Variants in SPOCK3 observed in about 807,000 individuals in gnomAD.
The protein encoded by SPOCK3 is SPARC (osteonectin), cwcv and kazal like domains proteoglycan 3, also known as testican-3.
A neutral mutation model predicts 56.6 loss-of-function variants in SPOCK3; 30 were observed. The ratio of observed to expected loss-of-function variants is 0.53; its 90% CI spans 0.40 to 0.72. The LOEUF (loss-of-function observed/expected upper bound fraction) is 0.72, where lower values mean the gene tolerates loss of function less well. Among genes scored for constraint, SPOCK3 ranks in the 30% least tolerant of loss-of-function variants. The probability of loss-of-function intolerance (pLI) is 0.00; values close to 1 mark genes in which losing one functional copy is unlikely to be tolerated. For missense variants in SPOCK3, 527 were observed against 530.0 expected (o/e 0.99, Z 0.06); for synonymous variants, 196 against 183.3 (o/e 1.07, Z -0.56).
intron 5 of SPOCK3, among the ~76,000 whole-genome samples, chr4:166,906,214 C>G (rs1235622619): frequency 6.6e-6 from 1 of 152,098 alleles, no homozygotes; most frequent in African/African-American, 2.4e-5. Context: ...AAATAGTTCA[C>G]TGACCATACT....
intron 6 of SPOCK3, among the ~76,000 whole-genome samples, chr4:166,864,078 CGT>C (rs1731526297): frequency 6.7e-6 from 1 of 149,742 alleles, no homozygotes; most frequent in African/African-American, 2.4e-5. Flanking sequence ...AAATTGTAAC[CGT>C]CTCTCAGACC....
chr4:167,160,622 T>A (rs143442703), intron 2 of SPOCK3, among the ~76,000 whole-genome samples: 18,472 of 151,820 alleles, frequency 0.12, 1,324 homozygotes, highest in East Asian at 0.2. Context: ...GAGGCATCAC[T>A]CTACCTGACT....
At chr4:166,831,164 T>A (rs1189662587) in intron 6 of SPOCK3, among the ~76,000 whole-genome samples, 1 of 152,218 alleles carries the variant, frequency 6.6e-6, no homozygotes. Flanking sequence ...CCATGTTGAG[T>A]CTTCAGATTT....
chr4:166,980,624 G>A (rs561012138), intron 4 of SPOCK3, among the ~76,000 whole-genome samples: 4 of 152,216 alleles, frequency 2.6e-5, no homozygotes, highest in African/African-American at 4.8e-5. Context: ...CGTGGGGTCC[G>A]GCCACTGTGC....
intron 4 of SPOCK3, among the ~76,000 whole-genome samples, chr4:166,934,471 C>T (rs1219852308): frequency 2.0e-5 from 3 of 151,890 alleles, no homozygotes; most frequent in Middle Eastern, 3.4e-3. Context: ...GCGCTTCAGC[C>T]TGGGCGACAG....
At chr4:166,955,649 AT>A (rs1743365846) in intron 4 of SPOCK3, among the ~76,000 whole-genome samples, 1 of 146,676 alleles carries the variant, frequency 6.8e-6, no homozygotes, top group Non-Finnish European at 1.5e-5. Flanking sequence ...AAATTTAATT[AT>A]AATATAAATT....
intron 5 of SPOCK3, among the ~76,000 whole-genome samples, chr4:166,897,130 C>A (rs899921387): frequency 2.6e-5 from 4 of 152,044 alleles, no homozygotes; most frequent in Admixed American, 2.6e-4. Context: ...ACTATTGTAT[C>A]AGATTTTCCA....
intron 2 of SPOCK3, among the ~76,000 whole-genome samples, chr4:167,184,070 T>C (rs1394124949): frequency 6.6e-6 from 1 of 152,200 alleles, no homozygotes; most frequent in East Asian, 1.9e-4. Flanking sequence ...GTTAAATGTA[T>C]ATACACTGAA....
At chr4:166,736,825 T>C (rs1232772203) in intron 10 of SPOCK3, among the ~76,000 whole-genome samples, 1 of 152,022 alleles carries the variant, frequency 6.6e-6, no homozygotes, top group Admixed American at 6.6e-5. Flanking sequence ...GTACAAATGG[T>C]ACCACAATGG....
chr4:167,023,603 C>A (rs955492087), intron 3 of SPOCK3, among the ~76,000 whole-genome samples: 1 of 151,984 alleles, frequency 6.6e-6, no homozygotes, highest in African/African-American at 2.4e-5. Context: ...CTTTAACAGC[C>A]GTAGTTCTTT....
chr4:166,918,958 G>A (rs1738188059), intron 4 of SPOCK3, among the ~76,000 whole-genome samples: 1 of 152,138 alleles, frequency 6.6e-6, no homozygotes, highest in Admixed American at 6.6e-5. Context: ...CTCTGGCCAT[G>A]TGATCTCTGC....
At chr4:167,172,630 T>G (rs1001076669) in intron 2 of SPOCK3, among the ~76,000 whole-genome samples, 3 of 152,170 alleles carry the variant, frequency 2.0e-5, no homozygotes, top group Non-Finnish European at 2.9e-5. Context: ...CAGTTAGTTT[T>G]TATTATACTC....
chr4:166,767,045 C>A (rs1288779876), intron 7 of SPOCK3, among the ~76,000 whole-genome samples: 1 of 152,022 alleles, frequency 6.6e-6, no homozygotes, highest in African/African-American at 2.4e-5. Context: ...TCCCCTTTAT[C>A]ATTGTTTATT....
At chr4:167,063,723 G>A (rs1755832885) in intron 2 of SPOCK3, among the ~76,000 whole-genome samples, 1 of 151,646 alleles carries the variant, frequency 6.6e-6, no homozygotes, top group African/African-American at 2.4e-5. Context: ...CATACTCTAT[G>A]TCAATGTGTA....
intron 3 of SPOCK3, among the ~76,000 whole-genome samples, chr4:167,031,418 TAACAAC>T (rs1404060148): frequency 6.6e-6 from 1 of 152,000 alleles, no homozygotes; most frequent in East Asian, 1.9e-4. Flanking sequence ...CTTTATTCCC[TAACAAC>T]AACATAAGGT....
intron 2 of SPOCK3, chr4:167,119,926 AAAG>A: frequency 9.4e-6 from 12 of 1,281,232 alleles, no homozygotes; most frequent in Non-Finnish European, 1.2e-5. Context: ...GAAAGAAAGA[AAAG>A]AATAAACCCC....
intron 2 of SPOCK3, among the ~76,000 whole-genome samples, chr4:167,124,229 G>A (rs1029093322): frequency 6.6e-6 from 1 of 151,962 alleles, no homozygotes; most frequent in Non-Finnish European, 1.5e-5. Context: ...CACTCCCCAG[G>A]GACTTCATCT....
intron 6 of SPOCK3, among the ~76,000 whole-genome samples, chr4:166,884,596 C>T (rs934306586): frequency 2.0e-5 from 3 of 151,904 alleles, no homozygotes; most frequent in African/African-American, 7.3e-5. Context: ...ATGTAATTTA[C>T]TAGGATTCAG....
At chr4:167,062,379 T>G (rs1755693174) in intron 3 of SPOCK3, 113 bp downstream of exon 3, 2 of 687,652 alleles carry the variant, frequency 2.9e-6, no homozygotes, top group Non-Finnish European at 4.6e-6. Flanking sequence ...TCCATTCATG[T>G]AAGCTCTTCT....
Sources: gnomAD v4.1 joint callset for allele counts (sites outside exome capture counted in the v4.1 genomes callset) on GRCh38, gnomAD v4.1.1 for gene constraint, MANE v1.5 for transcripts, NCBI Gene and HGNC (gene_info 2026-07-23, HGNC 2026-07-21) for gene names.